Variants in PAGE4 observed in about 807,000 individuals in gnomAD.
PAGE4 encodes the protein PAGE family member 4.
Under a neutral mutation model 8.5 loss-of-function variants are expected in PAGE4, and 1 was observed. The observed-to-expected ratio is 0.12, with a 90% CI of 0.04 to 0.56. The LOEUF is 0.56. PAGE4 is among the 20% of genes least tolerant of loss of function. The pLI, the probability that PAGE4 is intolerant of heterozygous loss-of-function variation, is 0.91. For missense variants in PAGE4, 93 were observed against 82.7 expected (o/e 1.13, Z -0.49); for synonymous variants, 26 against 26.3 (o/e 0.99, Z 0.04).
At chrX:49,832,760 A>G in intron 4 of PAGE4, 110 bp downstream of exon 4, 1 of 668,442 alleles carries the variant, frequency 1.5e-6, no homozygotes. Context: ...CAGACACCAA[A>G]TACTTGATTC....
intron 4 of PAGE4, among the ~76,000 whole-genome samples, chrX:49,833,309 T>A (rs1923533954): frequency 8.9e-6 from 1 of 112,073 alleles, no homozygotes; most frequent in African/African-American, 3.2e-5. Context: ...CACCCTGGTA[T>A]AAAGAATCCA....
At chrX:49,830,294 T>C (rs1557156376) in intron 1 of PAGE4, 105 bp from the exon 2 acceptor site, 8 of 408,674 alleles carry the variant, frequency 2.0e-5, no homozygotes, top group Non-Finnish European at 3.4e-5. Context: ...GGCGTAGTTA[T>C]TATTAACTCA....
At chrX:49,831,252 C>T (rs1923471335) in intron 3 of PAGE4, 168 bp downstream of exon 3, 7 of 422,276 alleles carry the variant, frequency 1.7e-5, no homozygotes, top group Admixed American at 5.1e-5. Context: ...ATTTTCTCTT[C>T]AGCATTTTAC....
At position 49,832,611 on chromosome X, in the gene PAGE4, A is replaced by C. The variant is rs1923511485; in HGVS notation, c.253A>C (p.Thr85Pro). ...RGDGSDVKEKTPPNPKHAKTK... is the reference protein window; with the variant it reads ...RGDGSDVKEKPPPNPKHAKTK... ...AGATGGCTCTGATGTAAAAGAGAAG[A>C]CTCCACCTAATCCTAAGCATGCTAA... The change falls in exon 4 of 5, where the codon ACT becomes CCT. Residue 85 changes from threonine to proline, a missense_variant. Transcript: ENST00000218068. The C allele has an allele frequency of 5.0e-6, 6 of 1,200,665 alleles. No homozygotes were observed. The South Asian group carries it at 1.1e-4, about 22-fold the overall frequency.
intron 3 of PAGE4, among the ~76,000 whole-genome samples, chrX:49,832,113 G>T (rs1923495225): frequency 8.9e-6 from 1 of 111,800 alleles, no homozygotes; most frequent in African/African-American, 3.3e-5. Flanking sequence ...ATTTGGGTTT[G>T]TCTTATGTTA....
At chrX:49,830,246 A>G (rs1923434951) in intron 1 of PAGE4, 153 bp from the exon 2 acceptor site, 1 of 372,735 alleles carries the variant, frequency 2.7e-6, no homozygotes. Flanking sequence ...GAAACAAAGC[A>G]GTTTGCAGAT....
At chrX:49,832,486 A>C in intron 3 of PAGE4, 39 bp from the exon 4 acceptor site, 1 of 934,460 alleles carries the variant, frequency 1.1e-6, no homozygotes, top group Non-Finnish European at 1.5e-6. Flanking sequence ...TTTATAATTT[A>C]CTGCTTACTT....
At chrX:49,830,839 A>G (rs1923453939) in intron 2 of PAGE4, 158 bp from the exon 3 acceptor site, 15 of 460,895 alleles carry the variant, frequency 3.3e-5, no homozygotes, top group Non-Finnish European at 5.3e-5. Flanking sequence ...TAGGAAGAAT[A>G]ACTTTTCTTA....
chrX:49,833,777 T>C, intron 4 of PAGE4, 69 bp from the exon 5 acceptor site: 1 of 804,066 alleles, frequency 1.2e-6, no homozygotes. Flanking sequence ...GTGTTCTTTG[T>C]GTGCTTTTAG....
rs1056282583 is a variant in PAGE4 at position 49,831,000 on chromosome X, G to A, written c.82G>A (p.Gly28Ser). The change falls in exon 3 of 5, where the codon GGT becomes AGT. Residue 28 changes from glycine to serine, a missense_variant. Transcript: ENST00000218068. Reference protein sequence around the residue: ...APDVVAFVAPGESQQEEPPTD... With the variant: ...APDVVAFVAPSESQQEEPPTD... ...ACTCTCCCCCACCTCTCAAAAGCCC[G>A]GTGAATCTCAGCAAGAGGAACCACC... The A allele has an allele frequency of 5.9e-6, 7 of 1,181,125 alleles. No homozygotes were observed. In the Admixed American group the frequency reaches 7.0e-5, roughly 12 times the overall value.
rs1923555018 is a variant in PAGE4, at chrX:49,834,032, T to TA, written c.*176dup. ...TTGACACTATTGTAAATGGTATCTT[T>TA]AAAAAATCCTTGTGTTCTGTTTAGA... On this transcript the variant is annotated 3_prime_UTR_variant, in exon 5 of 5. Transcript: ENST00000218068. 30 of 434,225 alleles carry TA rather than the reference T, an allele frequency of 6.9e-5. No individual in the cohort carries two copies. The East Asian group carries it at 1.1e-3, about 16-fold the overall frequency. 35.8% of individuals were successfully genotyped at this position (434,225 alleles called of 1,213,427 possible).
rs1557156220 is a variant in PAGE4, at chrX:49,829,335, T to C, written c.-47T>C. ...CTCTTCCCTTCATTCTTCGCCAGGC[T>C]CTCTGCTGACTCAAGTGTAAGTGAG... On this transcript the variant is annotated 5_prime_UTR_variant, in exon 1 of 5. Coordinates refer to ENST00000218068, the MANE Select transcript of PAGE4 (RefSeq NM_007003.4). 1 of 112,353 alleles carries C rather than the reference T, an allele frequency of 8.9e-6. No individual in the cohort carries two copies. The highest frequency in any genetic ancestry group is 9.4e-5 in the Admixed American group (1 of 10,612). 9.3% of individuals were successfully genotyped at this position (112,353 alleles called of 1,213,427 possible).
intron 4 of PAGE4, 33 bp downstream of exon 4, chrX:49,832,683 G>A: frequency 8.7e-7 from 1 of 1,143,507 alleles, no homozygotes; most frequent in Non-Finnish European, 1.2e-6. Context: ...AAGTCATGGG[G>A]TTACTCTTTT....
At chrX:49,830,877 A>G in intron 2 of PAGE4, 120 bp from the exon 3 acceptor site, 1 of 503,102 alleles carries the variant, frequency 2.0e-6, no homozygotes, top group Non-Finnish European at 3.4e-6. Flanking sequence ...GATAGGAAAA[A>G]CCTCTTCAGA....
intron 4 of PAGE4, 150 bp downstream of exon 4, chrX:49,832,800 G>T: frequency 2.1e-6 from 1 of 467,196 alleles, no homozygotes; most frequent in Non-Finnish European, 3.5e-6. Context: ...AAATGAATTA[G>T]GTCAAAGCCA....
chrX:49,830,214 C>A, intron 1 of PAGE4, 185 bp from the exon 2 acceptor site: 1 of 353,596 alleles, frequency 2.8e-6, no homozygotes, highest in East Asian at 4.4e-5. Flanking sequence ...AAGATCACTT[C>A]TCTGCCGAGC....
At chrX:49,833,549 T>C (rs1402461448) in intron 4 of PAGE4, among the ~76,000 whole-genome samples, 3 of 112,289 alleles carry the variant, frequency 2.7e-5, no homozygotes, top group African/African-American at 9.7e-5. Flanking sequence ...AAAACAAAAC[T>C]GAAATCAGTG....
intron 3 of PAGE4, among the ~76,000 whole-genome samples, chrX:49,832,073 C>G (rs1923493973): frequency 9.0e-6 from 1 of 111,729 alleles, no homozygotes; most frequent in Non-Finnish European, 1.9e-5. Flanking sequence ...AACTAGAATC[C>G]AAACCAATTG....
At chrX:49,829,535 G>A (rs1389413875) in intron 1 of PAGE4, 184 bp downstream of exon 1, 2 of 112,207 alleles carry the variant, frequency 1.8e-5, no homozygotes, top group African/African-American at 6.5e-5. Flanking sequence ...CAGCCAAGAT[G>A]CTGTGAGTTT....
Sources: gnomAD v4.1 joint callset for allele counts (sites outside exome capture counted in the v4.1 genomes callset) on GRCh38, gnomAD v4.1.1 for gene constraint, MANE v1.5 for transcripts, NCBI Gene and HGNC (gene_info 2026-07-23, HGNC 2026-07-21) for gene names.